The following TAFA2 variants were observed in gnomAD, a reference collection of about 807,000 sequenced individuals.
TAFA2 encodes the protein TAFA chemokine like family member 2, also known as chemokine-like protein TAFA-2.
In TAFA2, 7 loss-of-function variants were observed where a neutral mutation model predicts 18.8. That is an observed-to-expected ratio of 0.37 (90% CI 0.21 to 0.70). The LOEUF (loss-of-function observed/expected upper bound fraction) is 0.70. Ranked by LOEUF, TAFA2 falls within the 30% of genes least tolerant of loss-of-function variation. The pLI, the probability that TAFA2 is intolerant of heterozygous loss-of-function variation, is 0.53. For synonymous variants in TAFA2, 60 were observed against 54.2 expected, an observed-to-expected ratio of 1.11 and a Z score of -0.47; for missense variants, 122 against 158.1, an observed-to-expected ratio of 0.77 and a Z score of 1.23.
At chr12:61,875,114 C>T (rs1198521954) in intron 1 of TAFA2, among the ~76,000 whole-genome samples, 3 of 152,006 alleles carry the variant, frequency 2.0e-5, no homozygotes, top group Middle Eastern at 3.2e-3. Context: ...AGTCTCAATG[C>T]ACACATAAAG....
chr12:62,030,855 G>C (rs967702136), intron 1 of TAFA2, among the ~76,000 whole-genome samples: 2 of 152,208 alleles, frequency 1.3e-5, no homozygotes, highest in African/African-American at 4.8e-5. Context: ...AATGGTAAAG[G>C]TAAGGCTTTG....
At position 62,191,556 on chromosome 12, in the gene TAFA2, C is replaced by T. The variant is rs1263222853; in HGVS notation, c.-299G>A. 6.6e-6 allele frequency: 1 copy of T among 152,226 alleles called. No individual in the cohort carries two copies. 9.4% of individuals were successfully genotyped at this position (152,226 alleles called of 1,614,324 possible). On this transcript the variant is annotated 5_prime_UTR_variant, in exon 1 of 5. Transcript: ENST00000416284. ...CCCCCTGAAGCGGGTGAAGGTGAGC[C>T]TGATCCTTCTCCCCGCTTCTTTATT...
At chr12:61,719,314 C>T (rs573685423) in intron 4 of TAFA2, among the ~76,000 whole-genome samples, 3 of 152,258 alleles carry the variant, frequency 2.0e-5, no homozygotes, top group South Asian at 2.1e-4. Flanking sequence ...TAAACAATTG[C>T]CAGCCATTGT....
chr12:61,994,905 C>T (rs1350102911), intron 1 of TAFA2, among the ~76,000 whole-genome samples: 1 of 152,140 alleles, frequency 6.6e-6, no homozygotes, highest in African/African-American at 2.4e-5. Flanking sequence ...ACATCCTGAA[C>T]ATGCTCACTT....
chr12:62,144,961 T>A (rs146088888), intron 1 of TAFA2, among the ~76,000 whole-genome samples: 1 of 152,370 alleles, frequency 6.6e-6, no homozygotes, highest in African/African-American at 2.4e-5. Flanking sequence ...TTGTACTTGG[T>A]GAGGTATATG....
chr12:61,710,820 C>T (rs1869366878), intron 4 of TAFA2, among the ~76,000 whole-genome samples: 1 of 152,042 alleles, frequency 6.6e-6, no homozygotes, highest in Non-Finnish European at 1.5e-5. Flanking sequence ...TCCCCAGCAA[C>T]ACAGTCACAT....
chr12:62,066,391 ATTCT>A (rs1331060770), intron 1 of TAFA2, among the ~76,000 whole-genome samples: 1 of 151,610 alleles, frequency 6.6e-6, no homozygotes, highest in Non-Finnish European at 1.5e-5. Flanking sequence ...GGTCTTATTC[ATTCT>A]TTCTAACAAT....
intron 1 of TAFA2, among the ~76,000 whole-genome samples, chr12:62,078,291 G>A (rs1868268000): frequency 6.6e-6 from 1 of 152,040 alleles, no homozygotes; most frequent in Admixed American, 6.6e-5. Flanking sequence ...GTCTCCCAAG[G>A]TTGCTAAAGT....
At chr12:62,042,430 C>CGTGT (rs1223775086) in intron 1 of TAFA2, among the ~76,000 whole-genome samples, 4 of 94,552 alleles carry the variant, frequency 4.2e-5, no homozygotes, top group South Asian at 6.3e-4. Context: ...TGTGTGTGTG[C>CGTGT]GCGTGTGTGT....
intron 1 of TAFA2, chr12:61,879,262 T>G (rs1565666736): frequency 9.6e-6 from 4 of 414,912 alleles, no homozygotes; most frequent in Non-Finnish European, 1.7e-5. Flanking sequence ...GCTTCTCCAC[T>G]CCTTCTCGAA....
chr12:62,151,777 T>C (rs1020492982), intron 1 of TAFA2, among the ~76,000 whole-genome samples: 1 of 152,234 alleles, frequency 6.6e-6, no homozygotes, highest in Admixed American at 6.5e-5. Flanking sequence ...CAACAGGGCT[T>C]CTAAGCCATA....
chr12:62,087,461 T>C (rs566018434), intron 1 of TAFA2, among the ~76,000 whole-genome samples: 17 of 152,158 alleles, frequency 1.1e-4, no homozygotes, highest in African/African-American at 4.1e-4. Flanking sequence ...TTGACTGAGG[T>C]CTGATTGACA....
intron 2 of TAFA2, among the ~76,000 whole-genome samples, chr12:61,783,718 T>C (rs1401518423): frequency 6.6e-6 from 1 of 151,588 alleles, no homozygotes; most frequent in East Asian, 1.9e-4. Context: ...AAAATTATTT[T>C]AAATTTAACT....
At chr12:61,869,214 C>T (rs1458369608) in intron 1 of TAFA2, among the ~76,000 whole-genome samples, 2 of 152,102 alleles carry the variant, frequency 1.3e-5, no homozygotes, top group Non-Finnish European at 2.9e-5. Context: ...TTAGATCAGA[C>T]TGTTGGGGTT....
At chr12:61,792,335 A>G (rs1871016167) in intron 2 of TAFA2, among the ~76,000 whole-genome samples, 1 of 151,660 alleles carries the variant, frequency 6.6e-6, no homozygotes, top group Non-Finnish European at 1.5e-5. Flanking sequence ...ATTGCACAGT[A>G]GATTGACTAC....
intron 1 of TAFA2, among the ~76,000 whole-genome samples, chr12:62,159,497 T>A (rs931047369): frequency 1.3e-5 from 2 of 152,186 alleles, no homozygotes; most frequent in Non-Finnish European, 2.9e-5. Context: ...CCTTTGAGTG[T>A]CAGAAGCCAC....
intron 2 of TAFA2, among the ~76,000 whole-genome samples, chr12:61,777,539 T>A (rs965629637): frequency 5.9e-5 from 9 of 151,832 alleles, no homozygotes; most frequent in African/African-American, 2.2e-4. Context: ...GATCTAGTCC[T>A]CAGCAACTTA....
chr12:61,954,297 T>G (rs149688961), intron 1 of TAFA2, among the ~76,000 whole-genome samples: 254 of 152,316 alleles, frequency 1.7e-3, no homozygotes, highest in African/African-American at 5.8e-3. Flanking sequence ...TTAAGGCAAC[T>G]ACAGAGCTAG....
At chr12:62,118,698 G>A (rs1030321774) in intron 1 of TAFA2, among the ~76,000 whole-genome samples, 4 of 151,980 alleles carry the variant, frequency 2.6e-5, no homozygotes, top group Admixed American at 2.6e-4. Flanking sequence ...GTTTCTTTGT[G>A]TTTTCATGAT....
Sources: allele counts gnomAD v4.1 joint callset (sites outside exome capture counted in the v4.1 genomes callset), GRCh38; gene constraint gnomAD v4.1.1; transcripts MANE v1.5; gene names NCBI Gene and HGNC (gene_info 2026-07-23, HGNC 2026-07-21).